The following GALNT11 variants were observed in gnomAD, a reference collection of about 807,000 sequenced individuals.
The protein encoded by GALNT11 is polypeptide N-acetylgalactosaminyltransferase 11.
A neutral mutation model predicts 72.7 loss-of-function variants in GALNT11; 47 were observed. That is an observed-to-expected ratio of 0.65 (90% CI 0.51 to 0.82). The LOEUF is 0.82. Among genes scored for constraint, GALNT11 ranks in the 40% least tolerant of loss-of-function variants. GALNT11 has a pLI of 0.00. For synonymous variants in GALNT11, 270 were observed against 286.6 expected (o/e 0.94, Z 0.58); for missense variants, 677 against 778.4 (o/e 0.87, Z 1.55).
chr7:152,054,578 C>T (rs1009016524), intron 1 of GALNT11, among the ~76,000 whole-genome samples: 2 of 140,598 alleles, frequency 1.4e-5, no homozygotes, highest in African/African-American at 2.7e-5. Context: ...TGGCTATGGT[C>T]ATGGCTTACT....
At chr7:152,092,045 T>A (rs2086074384) in intron 1 of GALNT11, among the ~76,000 whole-genome samples, 1 of 152,140 alleles carries the variant, frequency 6.6e-6, no homozygotes, top group East Asian at 1.9e-4. Flanking sequence ...GCTATATGGA[T>A]GAAGAAGGGG....
intron 1 of GALNT11, among the ~76,000 whole-genome samples, chr7:152,044,395 T>C (rs2083018674): frequency 6.6e-6 from 1 of 152,176 alleles, no homozygotes; most frequent in Admixed American, 6.5e-5. Context: ...CAGGTGTTCC[T>C]TGCCCTCATT....
chr7:152,033,043 A>C (rs56186496), intron 1 of GALNT11, among the ~76,000 whole-genome samples: 7,297 of 152,228 alleles, frequency 0.048, 270 homozygotes, highest in African/African-American at 0.095. Flanking sequence ...CCTGGCCTTC[A>C]ATGGTTAAAT....
At chr7:152,085,895 G>GT (rs397744068) in intron 1 of GALNT11, among the ~76,000 whole-genome samples, 11,166 of 139,674 alleles carry the variant, frequency 0.08, 688 homozygotes, top group East Asian at 0.21. Flanking sequence ...TTTGTTTTTT[G>GT]TTTTTTTTTT....
intron 1 of GALNT11, among the ~76,000 whole-genome samples, chr7:152,030,416 T>G (rs1172529051): frequency 6.6e-6 from 1 of 152,188 alleles, no homozygotes; most frequent in African/African-American, 2.4e-5. Context: ...GATTGTAGAG[T>G]GAAGATTATT....
intron 1 of GALNT11, among the ~76,000 whole-genome samples, chr7:152,082,841 C>T (rs539508025): frequency 1.3e-4 from 20 of 152,260 alleles, no homozygotes; most frequent in South Asian, 8.3e-4. Context: ...TCAGTTTGAT[C>T]GGGTGGGAAA....
At chr7:152,099,427 G>A (rs936133518) in intron 2 of GALNT11, among the ~76,000 whole-genome samples, 3 of 142,872 alleles carry the variant, frequency 2.1e-5, no homozygotes, top group Non-Finnish European at 3.1e-5. Flanking sequence ...GCAGTGGCGC[G>A]ATCTTGGCTC....
intron 1 of GALNT11, among the ~76,000 whole-genome samples, chr7:152,039,262 T>C (rs963863338): frequency 6.6e-6 from 1 of 152,230 alleles, no homozygotes; most frequent in African/African-American, 2.4e-5. Context: ...ACAAGTATGT[T>C]CATTTTTTCT....
At chr7:152,051,859 G>C (rs2083423479) in intron 1 of GALNT11, among the ~76,000 whole-genome samples, 1 of 152,072 alleles carries the variant, frequency 6.6e-6, no homozygotes, top group African/African-American at 2.4e-5. Flanking sequence ...GCTGTTCCTT[G>C]TAAAAAGTTC....
chr7:152,108,043 G>C lies in GALNT11; in HGVS notation c.718G>C (p.Val240Leu), dbSNP rs1356052823. ...MIGAAHATGE[V>L]LVFLDSHCEV... ...CTCTGTTGTTTCCTCCCCAGGAGAA[G>C]TCCTTGTGTTCCTGGACAGCCACTG... Residue 240 changes from valine to leucine, a missense_variant, in exon 6 of 12, where the codon GTC becomes CTC. Coordinates refer to ENST00000430044, the MANE Select transcript of GALNT11 (RefSeq NM_022087.4). 3 of 1,608,090 alleles carry C rather than the reference G, an allele frequency of 1.9e-6. No homozygotes were observed. Among genetic ancestry groups the C allele is most frequent in the Non-Finnish European group, 2.6e-6 (3 of 1,175,266 alleles).
At chr7:152,061,951 A>G (rs2084041264) in intron 1 of GALNT11, among the ~76,000 whole-genome samples, 2 of 152,158 alleles carry the variant, frequency 1.3e-5, no homozygotes, top group African/African-American at 4.8e-5. Context: ...TTGTCTTGGC[A>G]ATGTGGGCTC....
chr7:152,101,377 T>C (rs780883052), intron 3 of GALNT11, among the ~76,000 whole-genome samples: 2 of 152,156 alleles, frequency 1.3e-5, no homozygotes, highest in Non-Finnish European at 2.9e-5. Flanking sequence ...ACACGCCGTC[T>C]TGAGCCCTGG....
intron 6 of GALNT11, 31 bp from the exon 7 acceptor site, chr7:152,110,497 G>A (rs2088064145): frequency 6.7e-7 from 1 of 1,500,488 alleles, no homozygotes; most frequent in South Asian, 1.2e-5. Context: ...CTGACTATAA[G>A]GAATGAGTAC....
At chr7:152,077,704 G>T (rs369862210) in intron 1 of GALNT11, among the ~76,000 whole-genome samples, 52 of 152,084 alleles carry the variant, frequency 3.4e-4, no homozygotes, top group African/African-American at 1.3e-3. Context: ...AACATCTCAC[G>T]CCTCAAATTA....
At chr7:152,039,699 C>G (rs1005386457) in intron 1 of GALNT11, among the ~76,000 whole-genome samples, 1 of 152,194 alleles carries the variant, frequency 6.6e-6, no homozygotes, top group East Asian at 1.9e-4. Flanking sequence ...TCCCCAGCAT[C>G]TGGCTTATGA....
intron 1 of GALNT11, among the ~76,000 whole-genome samples, chr7:152,030,182 C>T (rs974786553): frequency 4.6e-5 from 7 of 152,128 alleles, no homozygotes; most frequent in East Asian, 1.9e-4. Flanking sequence ...TAAACTCCCA[C>T]GGGGAAAGGG....
chr7:152,072,857 G>T (rs749022094), intron 1 of GALNT11, among the ~76,000 whole-genome samples: 5 of 152,178 alleles, frequency 3.3e-5, no homozygotes, highest in Non-Finnish European at 7.3e-5. Context: ...TGTGCTTGTG[G>T]CAGGATTGCT....
At chr7:152,062,610 A>G (rs2084083952) in intron 1 of GALNT11, among the ~76,000 whole-genome samples, 1 of 152,108 alleles carries the variant, frequency 6.6e-6, no homozygotes, top group Non-Finnish European at 1.5e-5. Context: ...GTTTGTCATA[A>G]ATAGCTCTTA....
At chr7:152,096,952 C>T (rs537522959) in intron 2 of GALNT11, among the ~76,000 whole-genome samples, 3 of 152,152 alleles carry the variant, frequency 2.0e-5, no homozygotes, top group East Asian at 3.9e-4. Context: ...CTCAGCCTCT[C>T]GAGTAGCTGG....
Sources: gnomAD v4.1 joint callset for allele counts (sites outside exome capture counted in the v4.1 genomes callset) on GRCh38, gnomAD v4.1.1 for gene constraint, MANE v1.5 for transcripts, NCBI Gene and HGNC (gene_info 2026-07-23, HGNC 2026-07-21) for gene names.